The following HHLA1 variants were observed in gnomAD, a reference collection of about 807,000 sequenced individuals.
HHLA1 encodes HHLA1 neighbor of OC90.
Under a neutral mutation model 69.9 loss-of-function variants are expected in HHLA1, and 72 were observed. The ratio of observed to expected loss-of-function variants is 1.03; its 90% confidence interval spans 0.85 to 1.25. HHLA1 has a LOEUF of 1.25. Ranked by LOEUF, HHLA1 falls within the 50% of genes most tolerant of loss-of-function variation. The probability of loss-of-function intolerance (pLI) is 0.00; values close to 1 mark genes in which losing one functional copy is unlikely to be tolerated. For missense variants in HHLA1, 685 were observed against 642.2 expected, an observed-to-expected ratio of 1.07 and a Z score of -0.72; for synonymous variants, 252 against 233.2, an observed-to-expected ratio of 1.08 and a Z score of -0.73.
At chr8:132,070,392 A>G (rs1390652446) in intron 15 of HHLA1, 1 of 701,924 alleles carries the variant, frequency 1.4e-6, no homozygotes, top group African/African-American at 1.7e-5. Context: ...TGGAATTTAG[A>G]TAGACATATC....
intron 3 of HHLA1, 46 bp from the exon 4 acceptor site, chr8:132,100,180 T>A (rs1445857263): frequency 7.2e-7 from 1 of 1,386,342 alleles, no homozygotes; most frequent in Non-Finnish European, 1.0e-6. Flanking sequence ...GTGGTCCAGT[T>A]CCTACCCCCA....
chr8:132,069,604 T>C (rs1292564205), intron 15 of HHLA1: 1 of 152,230 alleles, frequency 6.6e-6, no homozygotes, highest in Non-Finnish European at 1.5e-5. Context: ...ATTTATTCAT[T>C]CAGCTATTAT....
chr8:132,071,662 A>T (rs2130877485), intron 14 of HHLA1, among the ~76,000 whole-genome samples, 169 bp from the exon 15 acceptor site: 1 of 152,298 alleles, frequency 6.6e-6, no homozygotes, highest in Non-Finnish European at 1.5e-5. Flanking sequence ...CTACTGTAAC[A>T]GTTTTAAGAG....
intron 14 of HHLA1, among the ~76,000 whole-genome samples, chr8:132,074,482 C>A (rs1823601312): frequency 6.6e-6 from 1 of 152,118 alleles, no homozygotes; most frequent in South Asian, 2.1e-4. Context: ...ACCTCTCCTG[C>A]AGAATTATTG....
chr8:132,098,937 C>T lies in HHLA1; in HGVS notation c.225G>A (p.Leu75=). ...TTELPARSID[L]SALNLTELVN... is the part of the protein sequence containing the mutation. The stretch of plus-strand genomic sequence containing the variant: ...CAAGCTCTGTCAGGTTAAGCGCGGA[C>T]AGATCGATTGACCTTGCGGGCAGCT... Residue 75 remains leucine, a synonymous_variant, in exon 5 of 17, where the codon CTG becomes CTA. Coordinates refer to ENST00000414222, the MANE Select transcript of HHLA1 (RefSeq NM_001145095.3). The T allele has an allele frequency of 1.3e-6, 2 of 1,551,004 alleles. No individual in the cohort carries two copies. The highest frequency in any genetic ancestry group is 8.7e-7 in the Non-Finnish European group (1 of 1,146,488).
At chr8:132,109,890 G>A (rs978937250) in intron 1 of HHLA1, among the ~76,000 whole-genome samples, 2 of 152,180 alleles carry the variant, frequency 1.3e-5, no homozygotes, top group Admixed American at 1.3e-4. Context: ...CCCGGGAGAA[G>A]GGCTGAGAAG....
At chr8:132,082,016 A>G (rs1342671379) in intron 10 of HHLA1, among the ~76,000 whole-genome samples, 1 of 152,158 alleles carries the variant, frequency 6.6e-6, no homozygotes, top group East Asian at 1.9e-4. Flanking sequence ...AGGAACAGGA[A>G]AGAAGGAAAT....
intron 14 of HHLA1, among the ~76,000 whole-genome samples, chr8:132,071,697 G>A (rs1265738234): frequency 6.6e-6 from 1 of 152,134 alleles, no homozygotes. Flanking sequence ...GGTGGTGATC[G>A]AGTTTCTGGA....
intron 5 of HHLA1, among the ~76,000 whole-genome samples, chr8:132,096,643 T>C (rs1425884316): frequency 2.6e-5 from 4 of 152,120 alleles, no homozygotes; most frequent in Admixed American, 2.6e-4. Flanking sequence ...AGGGAGATCT[T>C]TCCAGACCTG....
chr8:132,085,925 G>T (rs1221230264), intron 10 of HHLA1, among the ~76,000 whole-genome samples: 15 of 151,994 alleles, frequency 9.9e-5, no homozygotes, highest in Admixed American at 7.2e-4. Flanking sequence ...TGATTCTTCA[G>T]TTACTTCAGG....
chr8:132,069,676 CCTGGTTACGTGA>C (rs1387973756), intron 15 of HHLA1: 2 of 151,930 alleles, frequency 1.3e-5, no homozygotes, highest in African/African-American at 4.8e-5. Flanking sequence ...CAGGTTTTTG[CCTGGTTACGTGA>C]CTTGGTTCTA....
intron 15 of HHLA1, among the ~76,000 whole-genome samples, chr8:132,067,145 G>C (rs1480641845): frequency 6.6e-6 from 1 of 152,176 alleles, no homozygotes; most frequent in African/African-American, 2.4e-5. Context: ...TGGGACCGCA[G>C]AGCTGAAGCT....
At chr8:132,067,029 G>T (rs1413293676) in intron 15 of HHLA1, among the ~76,000 whole-genome samples, 1 of 151,000 alleles carries the variant, frequency 6.6e-6, no homozygotes, top group Non-Finnish European at 1.5e-5. Context: ...ACAGGGGAAG[G>T]TGTGGTAACC....
intron 8 of HHLA1, among the ~76,000 whole-genome samples, chr8:132,088,779 T>C (rs1410691311): frequency 6.6e-6 from 1 of 152,224 alleles, no homozygotes; most frequent in Non-Finnish European, 1.5e-5. Context: ...GCAATTTACT[T>C]AACCCCTCTG....
intron 1 of HHLA1, among the ~76,000 whole-genome samples, chr8:132,107,790 A>G (rs1336521271): frequency 1.3e-5 from 2 of 152,094 alleles, no homozygotes; most frequent in Non-Finnish European, 2.9e-5. Context: ...GATAACAGTG[A>G]ATAATATCTT....
Position 132,077,737 on chromosome 8 carries a change from C to T in HHLA1, c.1160G>A (p.Ser387Asn). The T allele has an allele frequency of 6.4e-7, 1 of 1,551,628 alleles. No individual in the cohort carries two copies. Among genetic ancestry groups the T allele is most frequent in the Non-Finnish European group, 8.7e-7 (1 of 1,146,950 alleles). ...MATPGSPSQA[S>N]PTLGAFTHGT... ...GCACCCTCTCTTACCCAAGGTAGGG[C>T]TGGCCTGGGATGGGCTGCCAGGTGT... Residue 387 changes from serine (S) to asparagine (N), a missense_variant, in exon 12 of 17, where the codon AGC becomes AAC. Coordinates refer to ENST00000414222, the MANE Select transcript of HHLA1 (RefSeq NM_001145095.3).
At chr8:132,093,421 T>G (rs1426820812) in intron 7 of HHLA1, among the ~76,000 whole-genome samples, 1 of 152,150 alleles carries the variant, frequency 6.6e-6, no homozygotes, top group African/African-American at 2.4e-5. Context: ...AAGGAGGGCT[T>G]TAGATCAGAG....
At chr8:132,103,494 C>T (rs1318662547) in intron 3 of HHLA1, among the ~76,000 whole-genome samples, 1 of 152,000 alleles carries the variant, frequency 6.6e-6, no homozygotes, top group East Asian at 1.9e-4. Flanking sequence ...TGGTACATGC[C>T]TGTGGTCCTA....
intron 1 of HHLA1, among the ~76,000 whole-genome samples, chr8:132,109,520 C>G (rs1267369783): frequency 6.6e-6 from 1 of 152,180 alleles, no homozygotes; most frequent in Non-Finnish European, 1.5e-5. Flanking sequence ...GTACAGGAAA[C>G]AGGGGTTTCA....
Sources: gnomAD v4.1 joint callset for allele counts (sites outside exome capture counted in the v4.1 genomes callset) on GRCh38, gnomAD v4.1.1 for gene constraint, MANE v1.5 for transcripts, NCBI Gene and HGNC (gene_info 2026-07-23, HGNC 2026-07-21) for gene names.